ZC3H13: variants seen among roughly 807,000 people sequenced by gnomAD.
ZC3H13 encodes the protein zinc finger CCCH-type containing 13.
Under a neutral mutation model 204.1 loss-of-function variants are expected in ZC3H13, and 64 were observed. The ratio of observed to expected loss-of-function variants is 0.31; its 90% confidence interval spans 0.26 to 0.39. The LOEUF is 0.39. Ranked by LOEUF, ZC3H13 falls within the 10% of genes least tolerant of loss-of-function variation. ZC3H13 has a pLI of 1.00. For missense variants in ZC3H13, 1,833 were observed against 2,082.7 expected (o/e 0.88, Z 2.33); for synonymous variants, 667 against 693.7 (o/e 0.96, Z 0.60).
At chr13:46,031,795 T>C (rs953659206) in intron 4 of ZC3H13, among the ~76,000 whole-genome samples, 1 of 152,198 alleles carries the variant, frequency 6.6e-6, no homozygotes. Flanking sequence ...TGGCAGGATG[T>C]GGAGCAATCG....
chr13:45,989,143 AT>A (rs1483671404), intron 8 of ZC3H13, 46 bp from the exon 9 acceptor site: 12 of 1,536,530 alleles, frequency 7.8e-6, no homozygotes, highest in Non-Finnish European at 9.7e-6. Flanking sequence ...CAAGAGCTTC[AT>A]TTCTAGCCAA....
intron 15 of ZC3H13, among the ~76,000 whole-genome samples, chr13:45,965,978 C>T (rs370809888): frequency 6.6e-6 from 1 of 152,070 alleles, no homozygotes; most frequent in Non-Finnish European, 1.5e-5. Context: ...CATCTCAATT[C>T]CTCCTCCCTA....
intron 1 of ZC3H13, among the ~76,000 whole-genome samples, chr13:46,049,859 T>G (rs1251192274): frequency 6.6e-6 from 1 of 152,180 alleles, no homozygotes; most frequent in Non-Finnish European, 1.5e-5. Context: ...TTTCCTATCA[T>G]AGAGAATAGA....
chr13:45,996,632 A>G (rs959042943), intron 8 of ZC3H13, among the ~76,000 whole-genome samples: 3 of 152,090 alleles, frequency 2.0e-5, no homozygotes, highest in Non-Finnish European at 4.4e-5. Flanking sequence ...CATCTCAGTT[A>G]TCAGATTGAC....
chr13:45,998,274 T>A (rs1371483917), intron 8 of ZC3H13, among the ~76,000 whole-genome samples: 1 of 152,134 alleles, frequency 6.6e-6, no homozygotes, highest in Non-Finnish European at 1.5e-5. Flanking sequence ...GCCACACAAA[T>A]TTTTTGGTTT....
chr13:45,980,730 G>A (rs1239633551), intron 10 of ZC3H13, among the ~76,000 whole-genome samples: 1 of 152,302 alleles, frequency 6.6e-6, no homozygotes, highest in East Asian at 1.9e-4. Context: ...GGACACATAA[G>A]AGGTTGCCAG....
At chr13:45,975,875 G>C in intron 11 of ZC3H13, 37 bp from the exon 12 acceptor site, 1 of 1,593,828 alleles carries the variant, frequency 6.3e-7, no homozygotes, top group Non-Finnish European at 8.6e-7. Flanking sequence ...TGATTAATTT[G>C]ACAGATAACC....
Position 46,010,335 on chromosome 13 carries a change from T to C in ZC3H13, c.746+13A>G. 1 of 1,572,890 alleles carries C rather than the reference T, an allele frequency of 6.4e-7. No homozygotes were observed. ...AAAGCTATTTTCTCGATACTATTTA[T>C]CACCCTACTGACCTCTGCTGGTCCA... On this transcript the variant is annotated intron_variant, in intron 7 of 18. Coordinates refer to ENST00000679008, the MANE Select transcript of ZC3H13 (RefSeq NM_001330564.2).
At chr13:46,032,372 A>AG (rs1293732562) in intron 4 of ZC3H13, among the ~76,000 whole-genome samples, 2 of 147,588 alleles carry the variant, frequency 1.4e-5, no homozygotes, top group African/African-American at 4.9e-5. Context: ...CAAAAAAAAA[A>AG]AAAAAAACAG....
rs868044532 is a variant in ZC3H13 at position 45,975,511 on chromosome 13, T to G, written c.2240A>C (p.Lys747Thr). ...CTCTTCTCTTTCTCGTTCCCGTTCT[T>G]TTTCCCTGTCTCGTTCCCTCTCTCT... is the stretch of plus-strand genomic sequence containing the variant. ...RERERERDRE[K>T]EREREREERE... Residue 747 changes from lysine (K) to threonine (T), a missense_variant, in exon 12 of 19, where the codon AAA becomes ACA. Coordinates refer to ENST00000679008, the MANE Select transcript of ZC3H13 (RefSeq NM_001330564.2). The G allele has an allele frequency of 6.2e-7, 1 of 1,611,668 alleles. No individual in the cohort carries two copies.
At chr13:46,036,802 T>C (rs1028392055) in intron 4 of ZC3H13, among the ~76,000 whole-genome samples, 12 of 152,170 alleles carry the variant, frequency 7.9e-5, no homozygotes, top group Admixed American at 4.6e-4. Context: ...CACTGCAACC[T>C]CCGCCTCCCA....
In ZC3H13 at chr13:45,955,243, T is replaced by C. The variant is rs1412732743; in HGVS notation, c.*1884A>G. 6.6e-6 allele frequency: 1 copy of C among 152,200 alleles called. No individual in the cohort carries two copies. 9.4% of individuals were successfully genotyped at this position (152,200 alleles called of 1,614,324 possible). On this transcript the variant is annotated 3_prime_UTR_variant, in exon 19 of 19. Transcript: ENST00000679008. ...TTATGAGAAATTCAATCAAAAATTT[T>C]GCTTTAGAAAAATTTTATAGGTATA...
chr13:46,052,666 T>G lies in ZC3H13; in HGVS notation c.-272A>C, dbSNP rs2044570328. On this transcript the variant is annotated 5_prime_UTR_variant, in exon 1 of 19. Coordinates refer to ENST00000679008, the MANE Select transcript of ZC3H13 (RefSeq NM_001330564.2). ...GCAGGAAGAAAAATAACGAAGAGAT[T>G]GTAGATTAAGAAAAGGCAACAAAAA... is the stretch of plus-strand genomic sequence containing the variant. The G allele has an allele frequency of 5.0e-6, 2 of 398,648 alleles. No homozygotes were observed. The highest frequency in any genetic ancestry group is 2.1e-5 in the African/African-American group (1 of 48,584). 24.7% of individuals were successfully genotyped at this position (398,648 alleles called of 1,614,324 possible). A position where few individuals can be genotyped will look rare whatever the true frequency, so the allele number is the denominator to read the frequency against.
chr13:45,970,017 C>CACTGCATGGTACATATAGATTATAATA, intron 13 of ZC3H13, 46 bp from the exon 14 acceptor site: 11 of 1,552,966 alleles, frequency 7.1e-6, no homozygotes, highest in Non-Finnish European at 9.5e-6. Flanking sequence ...GGTTAGTAAC[C>CACTGCATGGTACATATAGATTATAATA]ACTGCATGGT....
chr13:45,963,017 A>G (rs1166909673), intron 17 of ZC3H13: 2 of 985,356 alleles, frequency 2.0e-6, no homozygotes, highest in Non-Finnish European at 2.4e-6. Flanking sequence ...GCGTGATAGG[A>G]TATTTTCAAA....
At chr13:46,009,822 T>G (rs2041416175) in intron 7 of ZC3H13, among the ~76,000 whole-genome samples, 1 of 152,096 alleles carries the variant, frequency 6.6e-6, no homozygotes, top group South Asian at 2.1e-4. Flanking sequence ...AAATTTTTTG[T>G]GTATAATTTG....
At chr13:45,961,507 A>G (rs2137758666) in intron 17 of ZC3H13, among the ~76,000 whole-genome samples, 1 of 136,290 alleles carries the variant, frequency 7.3e-6, no homozygotes, top group East Asian at 2.5e-4. Context: ...ACCAACAGAG[A>G]GTAGAATGAT....
At chr13:45,997,057 G>A (rs1393109962) in intron 8 of ZC3H13, among the ~76,000 whole-genome samples, 1 of 152,170 alleles carries the variant, frequency 6.6e-6, no homozygotes, top group Non-Finnish European at 1.5e-5. Context: ...ATGGGAAATT[G>A]CTATATTTTC....
At chr13:45,959,052 C>T (rs1258728024) in intron 18 of ZC3H13, among the ~76,000 whole-genome samples, 1 of 152,098 alleles carries the variant, frequency 6.6e-6, no homozygotes. Context: ...ATTTCTATTC[C>T]TCTTACTTCT....
Sources: gnomAD v4.1 joint callset for allele counts (sites outside exome capture counted in the v4.1 genomes callset) on GRCh38, gnomAD v4.1.1 for gene constraint, MANE v1.5 for transcripts, NCBI Gene and HGNC (gene_info 2026-07-23, HGNC 2026-07-21) for gene names.